Variants in PKHD1 observed in about 807,000 individuals in gnomAD.
PKHD1 encodes the protein PKHD1 ciliary IPT domain containing fibrocystin/polyductin.
Under a neutral mutation model 412.0 loss-of-function variants are expected in PKHD1, and 291 were observed. The observed-to-expected ratio is 0.71, with a 90% CI of 0.64 to 0.78. The LOEUF (loss-of-function observed/expected upper bound fraction) is 0.78, where lower values mean the gene tolerates loss of function less well. PKHD1 is among the 30% of genes least tolerant of loss of function. PKHD1 has a pLI of 0.00. For synonymous variants in PKHD1, 1,777 were observed against 1,821.5 expected (o/e 0.98, Z 0.62); for missense variants, 4,825 against 4,950.7 (o/e 0.97, Z 0.76).
intron 36 of PKHD1, among the ~76,000 whole-genome samples, chr6:51,938,879 C>T (rs913065065): frequency 6.6e-6 from 1 of 151,604 alleles, no homozygotes; most frequent in African/African-American, 2.4e-5. Flanking sequence ...TATCCCTCAA[C>T]CTCTTTCTCC....
chr6:51,929,317 T>G (rs1212961843), intron 37 of PKHD1, among the ~76,000 whole-genome samples: 1 of 152,168 alleles, frequency 6.6e-6, no homozygotes, highest in Non-Finnish European at 1.5e-5. Context: ...ACACCACAGC[T>G]AAAAGAATGA....
intron 50 of PKHD1, among the ~76,000 whole-genome samples, chr6:51,845,659 C>T (rs1446286369): frequency 6.6e-6 from 1 of 152,176 alleles, no homozygotes; most frequent in African/African-American, 2.4e-5. Context: ...TGCACAGATA[C>T]AGATGTACCT....
At chr6:52,054,200 G>C in intron 19 of PKHD1, 35 bp from the exon 20 acceptor site, 1 of 1,609,284 alleles carries the variant, frequency 6.2e-7, no homozygotes, top group Non-Finnish European at 8.5e-7. Context: ...AGTTCTATTA[G>C]TGCAAGAAGC....
At chr6:51,622,141 C>A (rs17740031) in intron 66 of PKHD1, among the ~76,000 whole-genome samples, 4,590 of 152,266 alleles carry the variant, frequency 0.03, 89 homozygotes, top group African/African-American at 0.049. Flanking sequence ...GTTCTGGGTT[C>A]TTTCGGGTCC....
intron 60 of PKHD1, chr6:51,722,052 T>C (rs767230168): frequency 1.2e-5 from 19 of 1,613,374 alleles, no homozygotes; most frequent in Non-Finnish European, 1.4e-5. Flanking sequence ...TAGTCAGACA[T>C]TGAAGGCTCT....
chr6:51,679,565 G>T (rs1225048888), intron 60 of PKHD1, among the ~76,000 whole-genome samples: 1 of 151,722 alleles, frequency 6.6e-6, no homozygotes, highest in Non-Finnish European at 1.5e-5. Flanking sequence ...CAAAACCTTC[G>T]ACTGATATTT....
chr6:51,675,952 T>A (rs1358389597), intron 60 of PKHD1, among the ~76,000 whole-genome samples: 1 of 152,136 alleles, frequency 6.6e-6, no homozygotes, highest in African/African-American at 2.4e-5. Flanking sequence ...CTTCCTAAAA[T>A]ACCCTGGTCA....
intron 52 of PKHD1, among the ~76,000 whole-genome samples, chr6:51,807,520 T>C (rs952652968): frequency 6.8e-6 from 1 of 147,606 alleles, no homozygotes; most frequent in African/African-American, 2.5e-5. Flanking sequence ...TGTGTGTGTG[T>C]GTATCCATCT....
intron 52 of PKHD1, among the ~76,000 whole-genome samples, chr6:51,803,005 G>T (rs1326576): frequency 0.6 from 90,553 of 150,624 alleles, 28,257 homozygotes; most frequent in East Asian, 0.83. Flanking sequence ...TATAATTGAT[G>T]TTTAAGAGAG....
chr6:51,714,797 C>T (rs6921803), intron 60 of PKHD1, among the ~76,000 whole-genome samples: 99,591 of 151,826 alleles, frequency 0.66, 33,857 homozygotes, highest in East Asian at 0.91. Context: ...TTTTTTGTTC[C>T]CAGATCTTCT....
chr6:51,708,150 T>TG (rs931095606), intron 60 of PKHD1, among the ~76,000 whole-genome samples: 3 of 152,182 alleles, frequency 2.0e-5, no homozygotes, highest in Non-Finnish European at 4.4e-5. Context: ...CTGCTTCTCC[T>TG]GCAGGATTCT....
intron 43 of PKHD1, among the ~76,000 whole-genome samples, chr6:51,899,469 C>A (rs1298563539): frequency 6.6e-6 from 1 of 151,972 alleles, no homozygotes; most frequent in Non-Finnish European, 1.5e-5. Context: ...TTCAACAACC[C>A]TTCATGCTAA....
intron 55 of PKHD1, among the ~76,000 whole-genome samples, chr6:51,763,155 T>G (rs1788333593): frequency 6.6e-6 from 1 of 152,062 alleles, no homozygotes; most frequent in African/African-American, 2.4e-5. Context: ...AAATCCAGCC[T>G]CAGGAATTTC....
intron 54 of PKHD1, among the ~76,000 whole-genome samples, chr6:51,774,235 C>A (rs769143386): frequency 4.6e-5 from 7 of 151,926 alleles, no homozygotes; most frequent in Non-Finnish European, 8.8e-5. Context: ...AAGAAGATTA[C>A]AAATGATTTA....
intron 10 of PKHD1, 62 bp from the exon 11 acceptor site, chr6:52,069,589 G>C (rs1810289829): frequency 8.0e-7 from 1 of 1,253,562 alleles, no homozygotes; most frequent in Non-Finnish European, 1.2e-6. Context: ...ATTTTTTTTA[G>C]TCGGCTGCCT....
At chr6:51,621,705 G>A (rs898880482) in intron 66 of PKHD1, 4 of 152,136 alleles carry the variant, frequency 2.6e-5, no homozygotes, top group African/African-American at 9.7e-5. Flanking sequence ...ACTGTGTAAA[G>A]GTGCCCAGAG....
intron 27 of PKHD1, among the ~76,000 whole-genome samples, chr6:52,036,599 G>A (rs1222282033): frequency 6.6e-6 from 1 of 152,204 alleles, no homozygotes; most frequent in Non-Finnish European, 1.5e-5. Flanking sequence ...ACAGAAAGGG[G>A]AATCTACAAA....
intron 26 of PKHD1, among the ~76,000 whole-genome samples, 168 bp from the exon 27 acceptor site, chr6:52,043,302 T>G (rs1805232638): frequency 6.6e-6 from 1 of 152,198 alleles, no homozygotes; most frequent in Non-Finnish European, 1.5e-5. Context: ...TATTTGTTAT[T>G]GTAGTACACA....
intron 60 of PKHD1, among the ~76,000 whole-genome samples, chr6:51,676,187 C>T (rs1023774938): frequency 5.3e-5 from 7 of 132,976 alleles, no homozygotes; most frequent in African/African-American, 1.7e-4. Flanking sequence ...CCTCATTTCA[C>T]GTTTGAAAAG....
Sources: allele counts gnomAD v4.1 joint callset (sites outside exome capture counted in the v4.1 genomes callset), GRCh38; gene constraint gnomAD v4.1.1; transcripts MANE v1.5; gene names NCBI Gene and HGNC (gene_info 2026-07-23, HGNC 2026-07-21).